The following MYO1E variants were observed in gnomAD, a reference collection of about 807,000 sequenced individuals.
The protein encoded by MYO1E is myosin IE.
A neutral mutation model predicts 151.1 loss-of-function variants in MYO1E; 68 were observed. The observed-to-expected ratio is 0.45, with a 90% CI of 0.37 to 0.55. MYO1E has a LOEUF of 0.55. Ranked by LOEUF, MYO1E falls within the 20% of genes least tolerant of loss-of-function variation. The pLI is 0.00. For missense variants in MYO1E, 1,363 were observed against 1,389.3 expected (o/e 0.98, Z 0.30); for synonymous variants, 601 against 501.7 (o/e 1.20, Z -2.64).
At chr15:59,213,698 C>A (rs2079895694) in intron 12 of MYO1E, among the ~76,000 whole-genome samples, 1 of 148,834 alleles carries the variant, frequency 6.7e-6, no homozygotes, top group Non-Finnish European at 1.5e-5. Flanking sequence ...CGGGCTCAAG[C>A]AATTCTCCCG....
At chr15:59,182,556 G>T (rs2079670077) in intron 18 of MYO1E, among the ~76,000 whole-genome samples, 2 of 152,134 alleles carry the variant, frequency 1.3e-5, no homozygotes, top group Admixed American at 6.6e-5. Context: ...CAATAAAAGA[G>T]CCTACTTTTT....
At chr15:59,267,553 A>G (rs1271714035) in intron 2 of MYO1E, among the ~76,000 whole-genome samples, 2 of 152,234 alleles carry the variant, frequency 1.3e-5, no homozygotes. Flanking sequence ...GCCAGACCTC[A>G]CTCGGAACAA....
chr15:59,335,545 C>T (rs1468014974), intron 1 of MYO1E, among the ~76,000 whole-genome samples: 1 of 152,100 alleles, frequency 6.6e-6, no homozygotes, highest in Non-Finnish European at 1.5e-5. Context: ...CTGCTTTTCA[C>T]CATTGTCCCA....
chr15:59,278,824 C>T (rs1016257564), intron 1 of MYO1E, among the ~76,000 whole-genome samples: 2 of 152,092 alleles, frequency 1.3e-5, no homozygotes, highest in Non-Finnish European at 2.9e-5. Context: ...CGTGCCAATG[C>T]TTTTTACATA....
chr15:59,326,199 T>C (rs2080662843), intron 1 of MYO1E, among the ~76,000 whole-genome samples: 1 of 150,500 alleles, frequency 6.6e-6, no homozygotes, highest in South Asian at 2.1e-4. Flanking sequence ...ACACAAATAA[T>C]TCACACTTCT....
At chr15:59,182,532 G>T (rs1296984433) in intron 18 of MYO1E, among the ~76,000 whole-genome samples, 1 of 152,108 alleles carries the variant, frequency 6.6e-6, no homozygotes, top group Non-Finnish European at 1.5e-5. Flanking sequence ...CTCAAACCAA[G>T]AAAAGTATGA....
intron 12 of MYO1E, among the ~76,000 whole-genome samples, chr15:59,213,589 G>C (rs1435890675): frequency 6.6e-6 from 1 of 152,072 alleles, no homozygotes; most frequent in African/African-American, 2.4e-5. Context: ...CTCCAGAGTA[G>C]CTGGGACTAT....
chr15:59,282,024 T>A (rs2080355816), intron 1 of MYO1E, among the ~76,000 whole-genome samples: 1 of 152,070 alleles, frequency 6.6e-6, no homozygotes, highest in Non-Finnish European at 1.5e-5. Flanking sequence ...GGGTTGTACA[T>A]ACCGATGTTA....
At position 59,372,501 on chromosome 15, in the gene MYO1E, G is replaced by A. The variant is rs554973305; in HGVS notation, c.-1C>T. ...GGACGCGGCGCGGCCAACTCACCAT[G>A]GTGACTCGCGCCGCGGTCGCGTCTT... On this transcript the variant is annotated 5_prime_UTR_variant, in exon 1 of 28. Transcript: ENST00000288235. 4 of 1,537,664 alleles carry A rather than the reference G, an allele frequency of 2.6e-6. No homozygotes were observed. The highest frequency in any genetic ancestry group is 3.9e-5 in the Admixed American group (2 of 50,846).
At chr15:59,221,326 T>C (rs1335926824) in intron 9 of MYO1E, among the ~76,000 whole-genome samples, 2 of 151,708 alleles carry the variant, frequency 1.3e-5, no homozygotes, top group Non-Finnish European at 2.9e-5. Context: ...ACATGTTAAG[T>C]GAAAAAGCAA....
chr15:59,193,731 T>C (rs74785176), intron 17 of MYO1E, among the ~76,000 whole-genome samples: 7,123 of 152,258 alleles, frequency 0.047, 219 homozygotes, highest in South Asian at 0.085. Context: ...AGAAGGACTG[T>C]ACAGCCTCCT....
chr15:59,271,706 A>G (rs1333966253), intron 2 of MYO1E, among the ~76,000 whole-genome samples: 1 of 152,264 alleles, frequency 6.6e-6, no homozygotes, highest in Non-Finnish European at 1.5e-5. Flanking sequence ...TTCACTTCTC[A>G]CATTTCCTTT....
At chr15:59,325,181 G>A (rs983342166) in intron 1 of MYO1E, among the ~76,000 whole-genome samples, 15 of 152,098 alleles carry the variant, frequency 9.9e-5, no homozygotes, top group African/African-American at 3.1e-4. Flanking sequence ...GACTACAGGC[G>A]CCCGTCACCA....
chr15:59,272,284 C>CAA, intron 2 of MYO1E, 22 bp downstream of exon 2: 3 of 1,613,204 alleles, frequency 1.9e-6, no homozygotes, highest in Non-Finnish European at 2.5e-6. Context: ...TAGAAATGTC[C>CAA]AAAGCAGCCA....
chr15:59,357,088 T>G (rs1289010620), intron 1 of MYO1E, among the ~76,000 whole-genome samples: 1 of 152,030 alleles, frequency 6.6e-6, no homozygotes, highest in Non-Finnish European at 1.5e-5. Context: ...GTATTTTCAG[T>G]AGAGATGAGG....
At chr15:59,161,031 G>C (rs1374417191) in intron 24 of MYO1E, 42 bp downstream of exon 24, 1 of 1,610,950 alleles carries the variant, frequency 6.2e-7, no homozygotes, top group Non-Finnish European at 8.5e-7. Flanking sequence ...AGACTCGGGG[G>C]AGCGGCGGCA....
intron 22 of MYO1E, among the ~76,000 whole-genome samples, chr15:59,170,064 G>A (rs571980447): frequency 1.3e-5 from 2 of 152,252 alleles, no homozygotes; most frequent in South Asian, 2.1e-4. Flanking sequence ...GGGAGCCTGA[G>A]GCAGGAGAAC....
intron 26 of MYO1E, among the ~76,000 whole-genome samples, chr15:59,151,887 A>AAC (rs1555407147): frequency 7.1e-6 from 1 of 140,668 alleles, no homozygotes; most frequent in Non-Finnish European, 1.5e-5. Flanking sequence ...TCTCTACAAA[A>AAC]ATACACACAC....
rs1055010643 is a variant in MYO1E, at chr15:59,218,219, G to A, written c.911-132C>T. ...TAGAAGGCACAATCACGGGCCCCAA[G>A]AGCTTACGTTCTAGTGAAGGCTGCT... On this transcript the variant is annotated intron_variant, in intron 9 of 27. Transcript: ENST00000288235. 5.8e-6 allele frequency: 6 copies of A among 1,033,136 alleles called. No individual in the cohort carries two copies. In the East Asian group the frequency reaches 1.5e-4, roughly 26 times the overall value. The allele number at this position is 1,033,136 out of a possible 1,614,324, so 64.0% of individuals were successfully genotyped here.
Sources: allele counts gnomAD v4.1 joint callset (sites outside exome capture counted in the v4.1 genomes callset), GRCh38; gene constraint gnomAD v4.1.1; transcripts MANE v1.5; gene names NCBI Gene and HGNC (gene_info 2026-07-23, HGNC 2026-07-21).